DOCK9: variants seen among roughly 807,000 people sequenced by gnomAD.
The protein encoded by DOCK9 is dedicator of cytokinesis protein 9.
Under a neutral mutation model 263.3 loss-of-function variants are expected in DOCK9, and 89 were observed. The observed-to-expected ratio is 0.34, with a 90% CI of 0.28 to 0.40. The LOEUF is 0.40. Ranked by LOEUF, DOCK9 falls within the 10% of genes least tolerant of loss-of-function variation. The pLI, the probability that DOCK9 is intolerant of heterozygous loss-of-function variation, is 1.00. For synonymous variants in DOCK9, 976 were observed against 973.1 expected, an observed-to-expected ratio of 1.00 and a Z score of -0.06; for missense variants, 2,140 against 2,603.4, an observed-to-expected ratio of 0.82 and a Z score of 3.87.
intron 45 of DOCK9, among the ~76,000 whole-genome samples, chr13:98,816,431 A>G (rs1230322362): frequency 6.6e-6 from 1 of 152,108 alleles, no homozygotes; most frequent in Non-Finnish European, 1.5e-5. Flanking sequence ...CTTGCGAGCA[A>G]CGGGTACTGA....
chr13:98,989,444 A>T (rs191621889), intron 1 of DOCK9, among the ~76,000 whole-genome samples: 2 of 152,078 alleles, frequency 1.3e-5, no homozygotes, highest in Non-Finnish European at 2.9e-5. Context: ...AGCCTCAAGG[A>T]TCTGAATTTT....
intron 1 of DOCK9, among the ~76,000 whole-genome samples, chr13:99,040,669 G>A (rs1270891756): frequency 6.6e-6 from 1 of 152,116 alleles, no homozygotes; most frequent in East Asian, 1.9e-4. Context: ...CGCCAGACAC[G>A]GGAGAGGATA....
At chr13:98,995,875 T>C (rs1032964611) in intron 1 of DOCK9, among the ~76,000 whole-genome samples, 1 of 152,156 alleles carries the variant, frequency 6.6e-6, no homozygotes. Context: ...GGAAATAGCA[T>C]GTGCAAAGGC....
At chr13:98,859,914 C>T (rs1406519212) in intron 33 of DOCK9, 1 of 153,176 alleles carries the variant, frequency 6.5e-6, no homozygotes, top group Non-Finnish European at 1.4e-5. Flanking sequence ...CAGAGGTGGC[C>T]GCTCTTCTGT....
chr13:98,979,220 T>TAGCAGCAGCAGCAGC (rs1183718975), upstream of DOCK9, among the ~76,000 whole-genome samples: 6 of 123,742 alleles, frequency 4.8e-5, no homozygotes, highest in African/African-American at 1.5e-4. Flanking sequence ...GTAGTAGTAG[T>TAGCAGCAGCAGCAGC]AGTAGTAGTA....
chr13:99,049,591 C>T (rs767941072), intron 1 of DOCK9, among the ~76,000 whole-genome samples: 1 of 152,078 alleles, frequency 6.6e-6, no homozygotes, highest in African/African-American at 2.4e-5. Flanking sequence ...AATCATGGCT[C>T]GCTGCAGCCT....
At chr13:99,070,766 G>A (rs1285686911) in intron 1 of DOCK9, among the ~76,000 whole-genome samples, 3 of 152,194 alleles carry the variant, frequency 2.0e-5, no homozygotes, top group Admixed American at 6.5e-5. Context: ...ATATCCTACT[G>A]CCATCCATGG....
At chr13:98,802,740 G>A (rs1272264969) in intron 49 of DOCK9, among the ~76,000 whole-genome samples, 1 of 152,184 alleles carries the variant, frequency 6.6e-6, no homozygotes, top group Non-Finnish European at 1.5e-5. Context: ...TTTTCCTGGT[G>A]TAGAGGGCAG....
At chr13:98,848,045 G>A (rs1491001456) in intron 37 of DOCK9, among the ~76,000 whole-genome samples, 11 of 152,204 alleles carry the variant, frequency 7.2e-5, no homozygotes, top group East Asian at 1.9e-4. Flanking sequence ...AACATGGAGC[G>A]TTTACCAACT....
chr13:98,841,833 G>A (rs190560543), intron 38 of DOCK9, among the ~76,000 whole-genome samples: 205 of 151,630 alleles, frequency 1.4e-3, no homozygotes, highest in Non-Finnish European at 2.1e-3. Context: ...AGTAGAGACG[G>A]GGTTTCACCA....
chr13:98,917,917 A>T, intron 7 of DOCK9, among the ~76,000 whole-genome samples: 1 of 152,110 alleles, frequency 6.6e-6, no homozygotes, highest in East Asian at 1.9e-4. Context: ...TAAATGGGGC[A>T]CTGGGCTCCA....
intron 35 of DOCK9, among the ~76,000 whole-genome samples, chr13:98,851,138 C>T (rs1398097069): frequency 6.6e-6 from 1 of 152,206 alleles, no homozygotes; most frequent in African/African-American, 2.4e-5. Context: ...TAGATTGTGC[C>T]ATCTAATCCT....
At chr13:99,063,381 C>A (rs1196597976) in intron 1 of DOCK9, among the ~76,000 whole-genome samples, 1 of 152,252 alleles carries the variant, frequency 6.6e-6, no homozygotes, top group African/African-American at 2.4e-5. Flanking sequence ...CACATTCCTA[C>A]CAAATGCTGG....
At chr13:99,015,744 C>G (rs1052599667) in intron 1 of DOCK9, 3 of 1,349,042 alleles carry the variant, frequency 2.2e-6, no homozygotes. Context: ...AGAAGGGAAG[C>G]TCTGAGCTGC....
intron 16 of DOCK9, 30 bp downstream of exon 16, chr13:98,888,602 T>A (rs1267528350): frequency 6.2e-7 from 1 of 1,612,332 alleles, no homozygotes; most frequent in African/African-American, 1.3e-5. Flanking sequence ...CTAATAAAAA[T>A]TCTGTCTATT....
At position 98,794,711 on chromosome 13, in the gene DOCK9, T is replaced by C. The variant is rs373217503; in HGVS notation, c.6194A>G (p.Asn2065Ser). The part of the protein sequence containing the change: ...PLEEKTSVLP[N>S]SLHIFNAISG... Reference sequence around the variant, plus strand: ...GATGGCGTTGAAGATGTGAAGGGAATTCGGTAAGACGCTCGTCTTCTCCTC... The same window carrying C: ...GATGGCGTTGAAGATGTGAAGGGAACTCGGTAAGACGCTCGTCTTCTCCTC... The change falls in exon 53 of 53, where the codon AAT becomes AGT. Residue 2065 changes from asparagine (N) to serine (S), a missense_variant. By Grantham distance (46) the Asn-to-Ser change is conservative. Coordinates refer to ENST00000682017, the MANE Select transcript of DOCK9 (RefSeq NM_001366683.2). 4.1e-5 allele frequency: 66 copies of C among 1,613,836 alleles called. No individual in the cohort carries two copies. The African/African-American group carries it at 8.7e-4, about 21-fold the overall frequency.
chr13:99,075,431 C>T (rs2041870978), intron 1 of DOCK9, among the ~76,000 whole-genome samples: 1 of 148,978 alleles, frequency 6.7e-6, no homozygotes, highest in Non-Finnish European at 1.5e-5. Flanking sequence ...GAGCTCACTG[C>T]AGCCATGACT....
intron 1 of DOCK9, among the ~76,000 whole-genome samples, chr13:99,010,067 A>C (rs1884213181): frequency 6.6e-6 from 1 of 152,002 alleles, no homozygotes; most frequent in South Asian, 2.1e-4. Flanking sequence ...TTATCCCAAC[A>C]TGTCACAAAA....
At chr13:99,015,300 T>C (rs943854710) in intron 1 of DOCK9, 4 of 602,470 alleles carry the variant, frequency 6.6e-6, no homozygotes, top group Non-Finnish European at 7.8e-6. Context: ...CACTTCATAA[T>C]TTAAACTTAA....
Sources: allele counts gnomAD v4.1 joint callset (sites outside exome capture counted in the v4.1 genomes callset), GRCh38; gene constraint gnomAD v4.1.1; transcripts MANE v1.5; gene names NCBI Gene and HGNC (gene_info 2026-07-23, HGNC 2026-07-21).